TBC1D4: variants seen among roughly 807,000 people sequenced by gnomAD.
TBC1D4 encodes the protein TBC1 domain family member 4.
Under a neutral mutation model 142.5 loss-of-function variants are expected in TBC1D4, and 121 were observed. That is an observed-to-expected ratio of 0.85 (90% CI 0.73 to 0.99). TBC1D4 has a LOEUF of 0.99. Among genes scored for constraint, TBC1D4 ranks in the 50% least tolerant of loss-of-function variants. The pLI is 0.00. For missense variants in TBC1D4, 1,475 were observed against 1,606.6 expected (o/e 0.92, Z 1.40); for synonymous variants, 630 against 628.2 (o/e 1.00, Z -0.04).
intron 1 of TBC1D4, among the ~76,000 whole-genome samples, chr13:75,445,592 T>C (rs754969376): frequency 1.3e-5 from 2 of 152,084 alleles, no homozygotes; most frequent in Non-Finnish European, 2.9e-5. Flanking sequence ...TCACCCAGAG[T>C]AAAATGTAGC....
intron 1 of TBC1D4, among the ~76,000 whole-genome samples, chr13:75,380,538 T>G: frequency 2.5e-5 from 1 of 39,522 alleles, no homozygotes; most frequent in African/African-American, 5.7e-5. Context: ...CTAGATAAGA[T>G]TTTTTTTTTT....
chr13:75,399,409 G>A (rs2138341070), intron 1 of TBC1D4, among the ~76,000 whole-genome samples: 1 of 152,216 alleles, frequency 6.6e-6, no homozygotes, highest in Non-Finnish European at 1.5e-5. Context: ...TTTGGAACAG[G>A]GGTGTCTACT....
At chr13:75,422,529 C>T (rs1200797895) in intron 1 of TBC1D4, among the ~76,000 whole-genome samples, 1 of 152,176 alleles carries the variant, frequency 6.6e-6, no homozygotes, top group Non-Finnish European at 1.5e-5. Flanking sequence ...TTGAGAATTT[C>T]TGCTAGAAAT....
At chr13:75,379,175 C>A (rs1418997562) in intron 1 of TBC1D4, among the ~76,000 whole-genome samples, 1 of 151,844 alleles carries the variant, frequency 6.6e-6, no homozygotes, top group African/African-American at 2.4e-5. Context: ...AAATTAAAAT[C>A]CAGAGAAGCG....
chr13:75,310,275 T>A, intron 13 of TBC1D4, 124 bp from the exon 14 acceptor site: 1 of 962,860 alleles, frequency 1.0e-6, no homozygotes, highest in Non-Finnish European at 1.6e-6. Flanking sequence ...GCTTTCCCTG[T>A]AACTTAGTTT....
chr13:75,298,636 C>G (rs1399532197), intron 17 of TBC1D4, among the ~76,000 whole-genome samples: 1 of 152,138 alleles, frequency 6.6e-6, no homozygotes, highest in Non-Finnish European at 1.5e-5. Flanking sequence ...GCCTGTAATC[C>G]CAGCTACTGG....
At chr13:75,334,990 C>T (rs990465092) in intron 8 of TBC1D4, among the ~76,000 whole-genome samples, 1 of 151,766 alleles carries the variant, frequency 6.6e-6, no homozygotes, top group African/African-American at 2.4e-5. Context: ...TCCACAATGG[C>T]CACTGCACAG....
chr13:75,399,544 C>A (rs762124931), intron 1 of TBC1D4, among the ~76,000 whole-genome samples: 2 of 152,182 alleles, frequency 1.3e-5, no homozygotes, highest in Non-Finnish European at 2.9e-5. Context: ...CTTATCTACA[C>A]CCCCACGTGA....
chr13:75,346,617 T>C (rs1272023806), intron 5 of TBC1D4, among the ~76,000 whole-genome samples: 6 of 152,350 alleles, frequency 3.9e-5, no homozygotes, highest in Non-Finnish European at 8.8e-5. Flanking sequence ...TACGTGTGCA[T>C]GTGTCTTTAG....
At chr13:75,431,902 G>C (rs73537569) in intron 1 of TBC1D4, among the ~76,000 whole-genome samples, 3,093 of 152,206 alleles carry the variant, frequency 0.02, 60 homozygotes, top group African/African-American at 0.052. Context: ...AGAGGAACCA[G>C]GAAAGGAAGG....
At chr13:75,296,097 C>A (rs1303246039) in intron 17 of TBC1D4, among the ~76,000 whole-genome samples, 1 of 151,986 alleles carries the variant, frequency 6.6e-6, no homozygotes, top group African/African-American at 2.4e-5. Context: ...TCCTTATCCA[C>A]AACAAATATC....
intron 12 of TBC1D4, 101 bp downstream of exon 12, chr13:75,319,913 A>G: frequency 2.4e-6 from 3 of 1,264,010 alleles, no homozygotes; most frequent in Non-Finnish European, 3.4e-6. Flanking sequence ...GATGGCATGC[A>G]TTCAGGAGAC....
intron 3 of TBC1D4, 36 bp downstream of exon 3, chr13:75,359,733 G>A: frequency 1.4e-6 from 2 of 1,470,134 alleles, no homozygotes; most frequent in Non-Finnish European, 1.9e-6. Flanking sequence ...AACAAGATTG[G>A]TCTCTTCACA....
Position 75,304,052 on chromosome 13 carries a change from A to G in TBC1D4, c.2753-1651T>C, listed in dbSNP as rs565837768. On this transcript the variant is annotated intron_variant, in intron 15 of 20. Coordinates refer to ENST00000377636, the MANE Select transcript of TBC1D4 (RefSeq NM_014832.5). ...TAGATTACAGTTAGCTCTATATTGAAGTTTTGTCTCTTTTCCCGGCTTAAA... is the reference window on the plus strand; with the variant it reads ...TAGATTACAGTTAGCTCTATATTGAGGTTTTGTCTCTTTTCCCGGCTTAAA... Among the ~76,000 whole-genome samples, 6 of 152,296 alleles carry G rather than the reference A, an allele frequency of 3.9e-5. No individual in the cohort carries two copies. The South Asian group carries it at 1.2e-3, about 32-fold the overall frequency.
intron 14 of TBC1D4, 24 bp from the exon 15 acceptor site, chr13:75,306,495 AAGACCAAT>A (rs1877202118): frequency 1.9e-6 from 3 of 1,611,782 alleles, no homozygotes; most frequent in Admixed American, 1.7e-5. Flanking sequence ...CAATTTACGT[AAGACCAAT>A]GTGTTTTTCA....
chr13:75,359,007 G>A (rs547517893), intron 3 of TBC1D4, among the ~76,000 whole-genome samples: 7 of 152,208 alleles, frequency 4.6e-5, no homozygotes, highest in Middle Eastern at 3.4e-3. Flanking sequence ...AAGATAGGCC[G>A]GCGTGGCTTT....
At position 75,299,550 on chromosome 13, in the gene TBC1D4, T is replaced by G; in HGVS notation, c.2936A>C (p.Tyr979Ser). The stretch of plus-strand genomic sequence containing the variant: ...TCCTGGCCCAAGCTGTACTGAAAAG[T>G]AAGGGTGAGTAGGAAACGTCCTTCC... Reference protein sequence around the residue: ...DLGRTFPTHPYFSVQLGPGQL... With the variant: ...DLGRTFPTHPSFSVQLGPGQL... The change falls in exon 17 of 21, where the codon TAC becomes TCC. Residue 979 changes from tyrosine (Y) to serine (S), a missense_variant. Transcript: ENST00000377636. 6.2e-7 allele frequency: 1 copy of G among 1,614,088 alleles called. No homozygotes were observed. The highest frequency in any genetic ancestry group is 8.5e-7 in the Non-Finnish European group (1 of 1,179,986).
intron 1 of TBC1D4, chr13:75,377,341 C>T (rs1299151862): frequency 6.6e-6 from 1 of 152,128 alleles, no homozygotes; most frequent in East Asian, 1.9e-4. Flanking sequence ...AACCATAGAA[C>T]GAAGAGGTCT....
chr13:75,408,538 T>G (rs1447090966), intron 1 of TBC1D4, among the ~76,000 whole-genome samples: 1 of 152,196 alleles, frequency 6.6e-6, no homozygotes. Flanking sequence ...TAGTGTCATG[T>G]ATGAGTTTTT....
Sources: allele counts gnomAD v4.1 joint callset (sites outside exome capture counted in the v4.1 genomes callset), GRCh38; gene constraint gnomAD v4.1.1; transcripts MANE v1.5; gene names NCBI Gene and HGNC (gene_info 2026-07-23, HGNC 2026-07-21).